SH3RF2: variants seen among roughly 807,000 people sequenced by gnomAD.
The protein encoded by SH3RF2 is E3 ubiquitin-protein ligase SH3RF2.
In SH3RF2, 43 loss-of-function variants were observed where a neutral mutation model predicts 59.0. The observed-to-expected ratio is 0.73, with a 90% CI of 0.57 to 0.94. The LOEUF is 0.94. SH3RF2 is among the 40% of genes least tolerant of loss of function. The pLI, the probability that SH3RF2 is intolerant of heterozygous loss-of-function variation, is 0.00. For synonymous variants in SH3RF2, 391 were observed against 391.5 expected, an observed-to-expected ratio of 1.00 and a Z score of 0.01; for missense variants, 930 against 940.1, an observed-to-expected ratio of 0.99 and a Z score of 0.14.
chr5:146,009,450 T>C (rs1760785406), intron 4 of SH3RF2, among the ~76,000 whole-genome samples: 2 of 152,208 alleles, frequency 1.3e-5, no homozygotes, highest in South Asian at 4.1e-4. Context: ...CTTTAGGACT[T>C]TCAGAGTAGC....
At chr5:146,064,780 G>GAAAGGA (rs779163252), downstream of SH3RF2, among the ~76,000 whole-genome samples, 15 of 21,458 alleles carry the variant, frequency 7.0e-4, no homozygotes, top group South Asian at 2.7e-3. Flanking sequence ...GGAAGGAAAG[G>GAAAGGA]AAGGAAGGAA....
At chr5:146,010,525 T>C (rs1346695685) in intron 4 of SH3RF2, among the ~76,000 whole-genome samples, 1 of 152,214 alleles carries the variant, frequency 6.6e-6, no homozygotes, top group East Asian at 1.9e-4. Flanking sequence ...TTTCTCCACA[T>C]CCTCTCCAGC....
rs1761986705 is a variant in SH3RF2 at position 146,037,673 on chromosome 5, G to A, written c.1060-10099G>A. ...TCAGAATAACATTGTAAGCATTTAA[G>A]AAATAGAATCAGCAATTTAAAATCT... is the stretch of plus-strand genomic sequence containing the variant. On this transcript the variant is annotated intron_variant, in intron 5 of 9. Transcript: ENST00000359120. Among the ~76,000 whole-genome samples the A allele has an allele frequency of 2.0e-5, 3 of 152,192 alleles. No individual in the cohort carries two copies. In the South Asian group the frequency reaches 6.2e-4, roughly 32 times the overall value.
chr5:146,000,397 T>G, intron 3 of SH3RF2, 70 bp downstream of exon 3: 1 of 1,385,278 alleles, frequency 7.2e-7, no homozygotes, highest in Non-Finnish European at 9.5e-7. Context: ...GAGTTCCTTG[T>G]TTAATATTTG....
intron 9 of SH3RF2, among the ~76,000 whole-genome samples, chr5:146,072,439 G>A (rs1343361177): frequency 1.3e-5 from 2 of 152,210 alleles, no homozygotes; most frequent in East Asian, 3.8e-4. Flanking sequence ...TTGGGAGGCT[G>A]AGGCAGGCGG....
At chr5:145,980,812 A>G (rs1759477719) in intron 2 of SH3RF2, among the ~76,000 whole-genome samples, 1 of 152,180 alleles carries the variant, frequency 6.6e-6, no homozygotes. Flanking sequence ...ATAAAAATAG[A>G]GAAAATAATA....
Position 146,010,717 on chromosome 5 carries a change from G to C in SH3RF2, c.745-3030G>C, listed in dbSNP as rs186903704. ...CGTTCATATCTTTTGCCCACTTGTT[G>C]ATGGGGTTGTTTGTTTTTTTCTTGT... On this transcript the variant is annotated intron_variant, in intron 4 of 9. Transcript: ENST00000359120. 1.4e-3 allele frequency among the ~76,000 whole-genome samples: 206 copies of C among 152,268 alleles called. 1 individual carries two copies. Among genetic ancestry groups the C allele is most frequent in the African/African-American group, 4.6e-3 (193 of 41,556 alleles).
At position 146,062,613 on chromosome 5, in the gene SH3RF2, C is replaced by T. The variant is rs374780252; in HGVS notation, c.2102C>T (p.Thr701Ile). 176 of 1,614,202 alleles carry T rather than the reference C, an allele frequency of 1.1e-4. 1 individual carries two copies. The South Asian group carries it at 1.8e-3, about 17-fold the overall frequency. Reference sequence around the variant, plus strand: ...AGTGGCTGCCACTCCGGACAGCAGACAGACCTCCGGAGAAAGTCAGCTCTT... The same window carrying T: ...AGTGGCTGCCACTCCGGACAGCAGATAGACCTCCGGAGAAAGTCAGCTCTT... Reference protein sequence around the residue: ...HRSGCHSGQQTDLRRKSALGK... With the variant: ...HRSGCHSGQQIDLRRKSALGK... Residue 701 changes from threonine (T) to isoleucine (I), a missense_variant, in exon 10 of 10, where the codon ACA (threonine) becomes ATA (isoleucine). Transcript: ENST00000359120.
chr5:146,049,114 T>C lies in SH3RF2; in HGVS notation c.1191T>C (p.Asp397=). 3 of 1,614,072 alleles carry C rather than the reference T, an allele frequency of 1.9e-6. No homozygotes were observed. The highest frequency in any genetic ancestry group is 1.7e-6 in the Non-Finnish European group (2 of 1,179,968). The change falls in exon 7 of 10, where the codon GAT becomes GAC. Residue 397 remains aspartate, a synonymous_variant. Coordinates refer to ENST00000359120, the MANE Select transcript of SH3RF2 (RefSeq NM_152550.4). ...ACTCCTACTCAGCCCATGGACCCGA[T>C]GAGCTGGACCTGCAAAAGGGAGAAG... ...ALHSYSAHGP[D]ELDLQKGEGV...
At position 146,055,994 on chromosome 5, in the gene SH3RF2, T is replaced by C. The variant is rs1377431490; in HGVS notation, c.1336T>C (p.Phe446Leu). ...VIPIFRKTSSFPDSRSPGLYT... is the reference protein window; with the variant it reads ...VIPIFRKTSSLPDSRSPGLYT... Reference sequence around the variant, plus strand: ...TTCCAAAACCAGAAAGACCTCTAGTTTTCCAGACTCCCGGAGCCCTGGTCT... The same window carrying C: ...TTCCAAAACCAGAAAGACCTCTAGTCTTCCAGACTCCCGGAGCCCTGGTCT... Residue 446 changes from phenylalanine (F) to leucine (L), a missense_variant, in exon 8 of 10, where the codon TTT (phenylalanine) becomes CTT (leucine). Coordinates refer to ENST00000359120, the MANE Select transcript of SH3RF2 (RefSeq NM_152550.4). 4 of 1,612,134 alleles carry C rather than the reference T, an allele frequency of 2.5e-6. No homozygotes were observed. Among genetic ancestry groups the C allele is most frequent in the Non-Finnish European group, 3.4e-6 (4 of 1,179,260 alleles).
intron 2 of SH3RF2, among the ~76,000 whole-genome samples, chr5:145,985,883 A>C (rs984611082): frequency 6.6e-6 from 1 of 152,102 alleles, no homozygotes; most frequent in African/African-American, 2.4e-5. Flanking sequence ...GTGTGCCTGT[A>C]GTCCTGGCTA....
chr5:146,003,934 TA>T, intron 3 of SH3RF2, 123 bp from the exon 4 acceptor site: 1 of 647,902 alleles, frequency 1.5e-6, no homozygotes, highest in Non-Finnish European at 2.4e-6. Flanking sequence ...ACTTCCCAAA[TA>T]AATCAAGCAC....
chr5:146,052,208 G>A (rs1162109317), intron 7 of SH3RF2, among the ~76,000 whole-genome samples: 1 of 152,076 alleles, frequency 6.6e-6, no homozygotes, highest in Non-Finnish European at 1.5e-5. Context: ...ATCCAAATTA[G>A]GACACTTTTG....
At chr5:145,996,226 T>C (rs1201314822) in intron 2 of SH3RF2, among the ~76,000 whole-genome samples, 1 of 152,230 alleles carries the variant, frequency 6.6e-6, no homozygotes, top group African/African-American at 2.4e-5. Flanking sequence ...CCTAAATTAA[T>C]GCCTCTCTAT....
At chr5:145,990,624 C>A (rs1236928243) in intron 2 of SH3RF2, among the ~76,000 whole-genome samples, 1 of 152,172 alleles carries the variant, frequency 6.6e-6, no homozygotes, top group Non-Finnish European at 1.5e-5. Context: ...TCTCTGAAGC[C>A]TATGCATTAT....
chr5:145,993,008 G>A (rs185781853), intron 2 of SH3RF2, among the ~76,000 whole-genome samples: 3 of 152,240 alleles, frequency 2.0e-5, no homozygotes, highest in Admixed American at 6.5e-5. Context: ...ATCAAAAGCA[G>A]GTTAGTAACT....
Position 145,939,050 on chromosome 5 carries a change from A to G in SH3RF2, c.378+744A>G, listed in dbSNP as rs73792743. 9.2e-3 allele frequency among the ~76,000 whole-genome samples: 1,397 copies of G among 152,346 alleles called. 23 individuals carry two copies. Among genetic ancestry groups the G allele is most frequent in the African/African-American group, 0.03 (1,231 of 41,580 alleles). On this transcript the variant is annotated intron_variant, in intron 2 of 9. Coordinates refer to ENST00000359120, the MANE Select transcript of SH3RF2 (RefSeq NM_152550.4). ...GATTAATGCTTTTCATGTTTGGATAATGGGAATCGCTCTGTCCAGCGCTGA... is the reference window on the plus strand; with the variant it reads ...GATTAATGCTTTTCATGTTTGGATAGTGGGAATCGCTCTGTCCAGCGCTGA...
chr5:146,016,271 T>C (rs1761097395), intron 5 of SH3RF2, among the ~76,000 whole-genome samples: 1 of 152,144 alleles, frequency 6.6e-6, no homozygotes, highest in Non-Finnish European at 1.5e-5. Flanking sequence ...GAGATTCTAC[T>C]ACCAAAACAA....
At chr5:145,981,997 T>A (rs1197559078) in intron 2 of SH3RF2, among the ~76,000 whole-genome samples, 1 of 152,190 alleles carries the variant, frequency 6.6e-6, no homozygotes, top group Non-Finnish European at 1.5e-5. Flanking sequence ...CAGGCTTACA[T>A]AATGTAAGGG....
Sources: gnomAD v4.1 joint callset for allele counts (sites outside exome capture counted in the v4.1 genomes callset) on GRCh38, gnomAD v4.1.1 for gene constraint, MANE v1.5 for transcripts, NCBI Gene and HGNC (gene_info 2026-07-23, HGNC 2026-07-21) for gene names.